Variants in NLGN1 observed in about 807,000 individuals in gnomAD.
NLGN1 encodes the protein neuroligin-1.
NLGN1 carries 12 observed loss-of-function variants against 65.5 expected under a neutral mutation model. The observed-to-expected ratio is 0.18, with a 90% CI of 0.12 to 0.30. NLGN1 has a LOEUF of 0.30. Among genes scored for constraint, NLGN1 ranks in the 10% least tolerant of loss-of-function variants. NLGN1 has a pLI of 1.00. For synonymous variants in NLGN1, 350 were observed against 359.5 expected (o/e 0.97, Z 0.30); for missense variants, 750 against 1,007.1 (o/e 0.74, Z 3.46).
chr3:173,473,942 G>A (rs886762635), intron 2 of NLGN1, among the ~76,000 whole-genome samples: 1 of 152,146 alleles, frequency 6.6e-6, no homozygotes, highest in Admixed American at 6.5e-5. Flanking sequence ...ATTTGGCACA[G>A]GGCTGCTTTT....
chr3:173,903,636 A>C (rs2152190977), intron 4 of NLGN1, among the ~76,000 whole-genome samples: 1 of 152,170 alleles, frequency 6.6e-6, no homozygotes, highest in African/African-American at 2.4e-5. Flanking sequence ...CCAGGCCTAC[A>C]TATCAAGGTA....
chr3:173,688,769 T>G (rs1765039348), intron 3 of NLGN1, among the ~76,000 whole-genome samples: 2 of 152,336 alleles, frequency 1.3e-5, no homozygotes, highest in African/African-American at 4.8e-5. Flanking sequence ...AAAATAGTTC[T>G]TGTAGTCAGC....
At chr3:173,767,438 G>A (rs1310775359) in intron 3 of NLGN1, among the ~76,000 whole-genome samples, 1 of 151,750 alleles carries the variant, frequency 6.6e-6, no homozygotes, top group Non-Finnish European at 1.5e-5. Flanking sequence ...CCAAACTCTT[G>A]GAAAGTACAA....
chr3:174,107,017 C>CACACAGAGAGAGAGAGAGAG (rs773314392), intron 4 of NLGN1, among the ~76,000 whole-genome samples: 1 of 97,644 alleles, frequency 1.0e-5, no homozygotes, highest in Admixed American at 1.1e-4. Flanking sequence ...CACACACACA[C>CACACAGAGAGAGAGAGAGAG]AGAGAGAGAG....
chr3:174,081,562 C>G (rs912537050), intron 4 of NLGN1, among the ~76,000 whole-genome samples: 4 of 151,642 alleles, frequency 2.6e-5, no homozygotes, highest in African/African-American at 7.3e-5. Flanking sequence ...CTTACATGTC[C>G]CACTTCCTAA....
chr3:173,707,195 G>A (rs1768172233), intron 3 of NLGN1, among the ~76,000 whole-genome samples: 1 of 152,154 alleles, frequency 6.6e-6, no homozygotes, highest in Non-Finnish European at 1.5e-5. Flanking sequence ...TGTTGATTTG[G>A]TGTAGGTACT....
At chr3:174,285,870 A>T (rs2152900009) in exon 7 of NLGN1, 1 of 151,610 alleles carries the variant, frequency 6.6e-6, no homozygotes, top group South Asian at 2.1e-4. Flanking sequence ...TAAATTACCA[A>T]TAAAGAAAGT....
chr3:173,610,246 T>C (rs550315927), intron 3 of NLGN1, among the ~76,000 whole-genome samples: 1 of 152,094 alleles, frequency 6.6e-6, no homozygotes, highest in South Asian at 2.1e-4. Flanking sequence ...CTATGTTTTT[T>C]ATCTGAATAC....
chr3:173,941,678 AT>A (rs1746120142), intron 4 of NLGN1, among the ~76,000 whole-genome samples: 1 of 151,978 alleles, frequency 6.6e-6, no homozygotes, highest in South Asian at 2.1e-4. Context: ...TCAATTAAAA[AT>A]ATGTATATAT....
chr3:174,047,505 G>A (rs546007153), intron 4 of NLGN1, among the ~76,000 whole-genome samples: 5 of 152,086 alleles, frequency 3.3e-5, no homozygotes, highest in South Asian at 4.2e-4. Context: ...GTATTTGCTT[G>A]AGAAAGTTGA....
At chr3:173,934,996 G>A (rs190776159) in intron 4 of NLGN1, among the ~76,000 whole-genome samples, 1 of 152,108 alleles carries the variant, frequency 6.6e-6, no homozygotes, top group East Asian at 1.9e-4. Context: ...TACAGATGAG[G>A]AAAGTAAGTC....
chr3:174,042,923 G>C (rs1200018154), intron 4 of NLGN1, among the ~76,000 whole-genome samples: 3 of 152,126 alleles, frequency 2.0e-5, no homozygotes, highest in African/African-American at 7.2e-5. Flanking sequence ...GAATACCTAA[G>C]ACTGGGTAAT....
intron 4 of NLGN1, among the ~76,000 whole-genome samples, chr3:174,231,186 T>C (rs1340562783): frequency 1.3e-5 from 2 of 152,140 alleles, no homozygotes; most frequent in Non-Finnish European, 2.9e-5. Flanking sequence ...AGGGCAGTAA[T>C]AAGAGAAAAA....
intron 3 of NLGN1, among the ~76,000 whole-genome samples, chr3:173,805,960 A>C (rs1716551763): frequency 6.6e-6 from 1 of 152,146 alleles, no homozygotes; most frequent in African/African-American, 2.4e-5. Flanking sequence ...CCAAGGTTTC[A>C]AGGAGAAAAT....
intron 4 of NLGN1, among the ~76,000 whole-genome samples, chr3:173,809,989 A>G (rs1409134110): frequency 6.6e-6 from 1 of 152,170 alleles, no homozygotes; most frequent in Non-Finnish European, 1.5e-5. Flanking sequence ...TCTTAAACAC[A>G]TTATACACTG....
chr3:174,113,003 T>C (rs1387338580), intron 4 of NLGN1, among the ~76,000 whole-genome samples: 1 of 151,956 alleles, frequency 6.6e-6, no homozygotes, highest in Non-Finnish European at 1.5e-5. Flanking sequence ...TAAACACATA[T>C]ACATAGTATC....
intron 4 of NLGN1, among the ~76,000 whole-genome samples, chr3:173,858,462 A>G (rs142781953): frequency 6.6e-6 from 1 of 152,080 alleles, no homozygotes; most frequent in South Asian, 2.1e-4. Context: ...AATCAAGCCT[A>G]TGTAGGTTCT....
chr3:174,149,539 TTTTC>T (rs1415767862), intron 4 of NLGN1, among the ~76,000 whole-genome samples: 6 of 152,174 alleles, frequency 3.9e-5, no homozygotes, highest in Admixed American at 2.0e-4. Flanking sequence ...GTTAGCATGA[TTTTC>T]TTTATTTCAT....
intron 4 of NLGN1, among the ~76,000 whole-genome samples, chr3:173,871,294 A>G (rs979214506): frequency 6.6e-6 from 1 of 152,178 alleles, no homozygotes; most frequent in African/African-American, 2.4e-5. Context: ...GTAGATGTGG[A>G]AAAAAAGATG....
Sources: gnomAD v4.1 joint callset for allele counts (sites outside exome capture counted in the v4.1 genomes callset) on GRCh38, gnomAD v4.1.1 for gene constraint, MANE v1.5 for transcripts, NCBI Gene and HGNC (gene_info 2026-07-23, HGNC 2026-07-21) for gene names.